PKD2L1: variants seen among roughly 807,000 people sequenced by gnomAD.
The protein encoded by PKD2L1 is polycystin-2-like protein 1.
Under a neutral mutation model 93.0 loss-of-function variants are expected in PKD2L1, and 77 were observed. That is an observed-to-expected ratio of 0.83 (90% confidence interval 0.69 to 1.00). The LOEUF (loss-of-function observed/expected upper bound fraction) is 1.00. Ranked by LOEUF, PKD2L1 falls within the 50% of genes least tolerant of loss-of-function variation. The pLI is 0.00. For synonymous variants in PKD2L1, 390 were observed against 388.0 expected (o/e 1.01, Z -0.06); for missense variants, 977 against 990.9 (o/e 0.99, Z 0.19).
chr10:100,305,530 G>C (rs928303981), intron 2 of PKD2L1, among the ~76,000 whole-genome samples: 1 of 152,152 alleles, frequency 6.6e-6, no homozygotes, highest in Non-Finnish European at 1.5e-5. Flanking sequence ...AAAGAGGCTG[G>C]AATATTCCTT....
chr10:100,292,998 C>A lies in PKD2L1; in HGVS notation c.1830G>T (p.Gln610His), dbSNP rs1388887444. Residue 610 changes from glutamine to histidine, a missense_variant, in exon 11 of 16, where the codon CAG (glutamine) becomes CAT (histidine). Coordinates refer to ENST00000318222, the MANE Select transcript of PKD2L1 (RefSeq NM_016112.3). ...CAAACTGGATCTCCTGCTCCCCACC[C>A]TGCAGGACCTTCTGCACATCCGAAA... ...ERVSDVQKVL[Q>H]GGEQEIQFED... 1.2e-6 allele frequency: 2 copies of A among 1,614,020 alleles called. No individual in the cohort carries two copies.
chr10:100,297,310 A>G (rs1018083180), intron 5 of PKD2L1, 72 bp downstream of exon 5: 2 of 1,539,982 alleles, frequency 1.3e-6, no homozygotes, highest in Non-Finnish European at 1.8e-6. Context: ...GAGTTTAGGG[A>G]AGGGTCTCAT....
chr10:100,324,249 C>T (rs1363802144), intron 2 of PKD2L1, among the ~76,000 whole-genome samples: 1 of 152,246 alleles, frequency 6.6e-6, no homozygotes, highest in Non-Finnish European at 1.5e-5. Flanking sequence ...CATCCAACAC[C>T]AGGGTGGTAC....
rs1564894437 is a variant in PKD2L1 at position 100,321,731 on chromosome 10, GAAA to G, written c.349+7477_349+7479del. Among the ~76,000 whole-genome samples the G allele has an allele frequency of 1.1e-3, 10 of 8,804 alleles. 2 individuals carry two copies. Among genetic ancestry groups the G allele is most frequent in the Non-Finnish European group, 1.4e-3 (6 of 4,178 alleles). The allele number at this position is 8,804 out of a possible 152,430, so 5.8% of individuals were successfully genotyped here. A position where few individuals can be genotyped will look rare whatever the true frequency, so the allele number is the denominator to read the frequency against. On this transcript the variant is annotated intron_variant, in intron 2 of 15. Coordinates refer to ENST00000318222, the MANE Select transcript of PKD2L1 (RefSeq NM_016112.3). ...AGAAAGAAAGAAAGAAAGAAAGAAA[GAAA>G]GAAAGAAAGAAAGAAAGAAAGAAGG...
intron 6 of PKD2L1, 23 bp downstream of exon 6, chr10:100,296,957 A>G: frequency 6.6e-7 from 1 of 1,525,104 alleles, no homozygotes; most frequent in South Asian, 1.1e-5. Context: ...GAATGTCCCA[A>G]GTCCTAGATA....
intron 4 of PKD2L1, 70 bp from the exon 5 acceptor site, chr10:100,297,676 TTGTC>T (rs1242076276): frequency 8.5e-6 from 9 of 1,061,976 alleles, no homozygotes; most frequent in African/African-American, 6.3e-5. Context: ...TGCTTTATCA[TTGTC>T]TGGGCTTTAC....
At chr10:100,295,173 A>G (rs1474360187) in intron 7 of PKD2L1, 50 bp from the exon 8 acceptor site, 1 of 1,535,140 alleles carries the variant, frequency 6.5e-7, no homozygotes, top group African/African-American at 1.4e-5. Flanking sequence ...AGGGAAAAGC[A>G]TTGAAAAGTC....
intron 2 of PKD2L1, among the ~76,000 whole-genome samples, chr10:100,321,638 A>C (rs1849229903): frequency 7.4e-6 from 1 of 135,926 alleles, no homozygotes; most frequent in Middle Eastern, 3.6e-3. Context: ...GTGCCACTGC[A>C]CTCCAGCCTG....
intron 11 of PKD2L1, among the ~76,000 whole-genome samples, chr10:100,291,658 T>A (rs1457234575): frequency 6.6e-6 from 1 of 152,190 alleles, no homozygotes; most frequent in African/African-American, 2.4e-5. Context: ...CTACAGGGAT[T>A]ATTGCAAAAT....
At position 100,299,639 on chromosome 10, in the gene PKD2L1, G is replaced by A. The variant is rs200131194; in HGVS notation, c.429C>T (p.Asp143=). The A allele has an allele frequency of 3.7e-6, 6 of 1,610,608 alleles. No individual in the cohort carries two copies. The highest frequency in any genetic ancestry group is 8.5e-7 in the Non-Finnish European group (1 of 1,176,716). The change falls in exon 3 of 16, where the codon GAC becomes GAT. Residue 143 remains aspartate (D), a synonymous_variant. Transcript: ENST00000318222. ...TGATGGCCTGAAAGGAGACTCCAGTGTCTGATGGAGTATGTAAGAAGAGCT... is the reference window on the plus strand; with the variant it reads ...TGATGGCCTGAAAGGAGACTCCAGTATCTGATGGAGTATGTAAGAAGAGCT... ...MSELFLHTPS[D]TGVSFQAISS... is the part of the protein sequence containing the mutation.
chr10:100,325,649 A>C (rs1849362209), intron 2 of PKD2L1, among the ~76,000 whole-genome samples: 1 of 152,186 alleles, frequency 6.6e-6, no homozygotes. Context: ...CTTTATTAAG[A>C]GTGCAATTCC....
In PKD2L1 at chr10:100,328,540, C is replaced by T. The variant is rs979487026; in HGVS notation, c.349+671G>A. On this transcript the variant is annotated intron_variant, in intron 2 of 15. Coordinates refer to ENST00000318222, the MANE Select transcript of PKD2L1 (RefSeq NM_016112.3). ...TGCATCGGATATAGTATAATAACTA[C>T]GTGAAGCCCACCAAACTATCTTTCC... Among the ~76,000 whole-genome samples, 8 of 151,958 alleles carry T rather than the reference C, an allele frequency of 5.3e-5. No individual in the cohort carries two copies. In the East Asian group the frequency reaches 5.8e-4, roughly 11 times the overall value.
At chr10:100,315,960 G>A (rs1379002817) in intron 2 of PKD2L1, among the ~76,000 whole-genome samples, 1 of 152,202 alleles carries the variant, frequency 6.6e-6, no homozygotes, top group Admixed American at 6.5e-5. Context: ...AAGCAGGCAA[G>A]CAAATGGCGA....
rs1848380634 is a variant in PKD2L1, at chr10:100,290,418, T to C, written c.2109A>G (p.Ser703=). Residue 703 remains serine (S), a synonymous_variant, in exon 13 of 16, where the codon TCA becomes TCG. Transcript: ENST00000318222. ...GCACGTACATGTAGAATTCTTCTCCTGAAACCCAGCCTCCTGCTCTGGCAG... is the reference window on the plus strand; with the variant it reads ...GCACGTACATGTAGAATTCTTCTCCCGAAACCCAGCCTCCTGCTCTGGCAG... ...PEAARAGGWV[S]GEEFYMLTRR... 1 of 1,612,142 alleles carries C rather than the reference T, an allele frequency of 6.2e-7. No homozygotes were observed. The highest frequency in any genetic ancestry group is 8.5e-7 in the Non-Finnish European group (1 of 1,178,836).
chr10:100,297,089 A>G lies in PKD2L1; in HGVS notation c.1076T>C (p.Phe359Ser). The G allele has an allele frequency of 6.2e-7, 1 of 1,614,170 alleles. No individual in the cohort carries two copies. Among genetic ancestry groups the G allele is most frequent in the Non-Finnish European group, 8.5e-7 (1 of 1,180,012 alleles). ...CACATAGTAGAAGATGAAGACGCAG[A>G]AGATGACCTCACAGCCAACGATAAA... ...DFFIVGCEVI[F>S]CVFIFYYVVE... Residue 359 changes from phenylalanine (F) to serine (S), a missense_variant, in exon 6 of 16, where the codon TTC becomes TCC. Transcript: ENST00000318222.
At chr10:100,291,491 T>C in intron 11 of PKD2L1, 64 bp from the exon 12 acceptor site, 1 of 1,558,270 alleles carries the variant, frequency 6.4e-7, no homozygotes, top group South Asian at 1.2e-5. Flanking sequence ...GTTATGGACT[T>C]CCTCACTCTT....
chr10:100,299,197 T>G (rs1292216701), intron 3 of PKD2L1, among the ~76,000 whole-genome samples: 1 of 152,152 alleles, frequency 6.6e-6, no homozygotes, highest in Non-Finnish European at 1.5e-5. Context: ...CCTCAGGTGA[T>G]TTGTCTGCCT....
In PKD2L1 at chr10:100,289,120, CTCTA is replaced by C. The variant is rs1848346989; in HGVS notation, c.2251-68_2251-65del. On this transcript the variant is annotated intron_variant, in intron 14 of 15. Transcript: ENST00000318222. The stretch of plus-strand genomic sequence containing the variant: ...AGTTTGTGTACCACTTTTCTTTTCT[CTCTA>C]TCTGATTCCAGAGAACTCAGACTGC... 6.5e-5 allele frequency: 78 copies of C among 1,198,788 alleles called. 1 individual carries two copies. The South Asian group carries it at 8.8e-4, about 14-fold the overall frequency. 74.3% of individuals were successfully genotyped at this position (1,198,788 alleles called of 1,614,324 possible). A position where few individuals can be genotyped will look rare whatever the true frequency, so the allele number is the denominator to read the frequency against.
rs774664355 is a variant in PKD2L1, at chr10:100,293,089, G to A, written c.1759-20C>T. ...GTAGCCCTGAAAGGGAAAGGAAATA[G>A]GCACAAGTTCTCACAGGCTGCTCAC... On this transcript the variant is annotated intron_variant, in intron 10 of 15. Coordinates refer to ENST00000318222, the MANE Select transcript of PKD2L1 (RefSeq NM_016112.3). 68 of 1,611,840 alleles carry A rather than the reference G, an allele frequency of 4.2e-5. No homozygotes were observed. The East Asian group carries it at 1.5e-3, about 35-fold the overall frequency.
Sources: allele counts gnomAD v4.1 joint callset (sites outside exome capture counted in the v4.1 genomes callset), GRCh38; gene constraint gnomAD v4.1.1; transcripts MANE v1.5; gene names NCBI Gene and HGNC (gene_info 2026-07-23, HGNC 2026-07-21).